ASPG: variants seen among roughly 807,000 people sequenced by gnomAD.
The protein encoded by ASPG is asparaginase.
In ASPG, 53 loss-of-function variants were observed where a neutral mutation model predicts 63.2. The observed-to-expected ratio is 0.84, with a 90% CI of 0.67 to 1.05. ASPG has a LOEUF of 1.05. Ranked by LOEUF, ASPG falls within the 50% of genes least tolerant of loss-of-function variation. The probability of loss-of-function intolerance (pLI) is 0.00; values close to 1 mark genes in which losing one functional copy is unlikely to be tolerated. For synonymous variants in ASPG, 370 were observed against 355.0 expected (o/e 1.04, Z -0.48); for missense variants, 741 against 794.4 (o/e 0.93, Z 0.81).
chr14:104,096,063 C>A (rs916978860), intron 4 of ASPG, among the ~76,000 whole-genome samples: 1 of 152,238 alleles, frequency 6.6e-6, no homozygotes, highest in East Asian at 1.9e-4. Context: ...CTGCCTTTGT[C>A]CCTCTCTTTG....
In ASPG at chr14:104,111,151, A is replaced by G. The variant is rs1008871439; in HGVS notation, c.1521-351A>G. The G allele has an allele frequency of 4.1e-6, 4 of 985,052 alleles. No individual in the cohort carries two copies. The African/African-American group carries it at 7.0e-5, about 17-fold the overall frequency. 61.0% of individuals were successfully genotyped at this position (985,052 alleles called of 1,614,324 possible). A position where few individuals can be genotyped will look rare whatever the true frequency, so the allele number is the denominator to read the frequency against. On this transcript the variant is annotated intron_variant, in intron 13 of 15. Transcript: ENST00000551177. Reference sequence around the variant, plus strand: ...TGTGTGTGCAAAGGCGCATGTGCTCATGTGTGTGTGCACATATGCTCGTGT... The same window carrying G: ...TGTGTGTGCAAAGGCGCATGTGCTCGTGTGTGTGTGCACATATGCTCGTGT...
chr14:104,095,662 C>G lies in ASPG; in HGVS notation c.429+6C>G. The stretch of plus-strand genomic sequence containing the variant: ...TCATCCTCACTGGGGCCCAGGTAAT[C>G]CCAGGGGCCCGGGGCTCCTAGGAAC... On this transcript the variant is annotated splice_donor_region_variant and intron_variant, in intron 4 of 15. Coordinates refer to ENST00000551177, the MANE Select transcript of ASPG (RefSeq NM_001080464.3). 1 of 1,612,240 alleles carries G rather than the reference C, an allele frequency of 6.2e-7. No homozygotes were observed. The highest frequency in any genetic ancestry group is 8.5e-7 in the Non-Finnish European group (1 of 1,179,632).
At chr14:104,087,019 C>G (rs1238399569) in intron 1 of ASPG, among the ~76,000 whole-genome samples, 1 of 151,954 alleles carries the variant, frequency 6.6e-6, no homozygotes, top group Non-Finnish European at 1.5e-5. Flanking sequence ...CCTGGCCACC[C>G]CTTTCTGCTG....
chr14:104,111,187 G>A (rs1216286480), intron 13 of ASPG: 1 of 984,164 alleles, frequency 1.0e-6, no homozygotes, highest in Admixed American at 6.1e-5. Context: ...GTGTGTGCAT[G>A]TGTAGGTGTG....
chr14:104,109,857 T>C lies in ASPG; in HGVS notation c.1520+542T>C, dbSNP rs2037312547. Among the ~76,000 whole-genome samples the C allele has an allele frequency of 6.6e-6, 1 of 152,096 alleles. No homozygotes were observed. The highest frequency in any genetic ancestry group is 2.4e-5 in the African/African-American group (1 of 41,394). On this transcript the variant is annotated intron_variant, in intron 13 of 15. Transcript: ENST00000551177. This position sits in a 1 kb window ranked among gnomAD's most constrained non-coding sequence, Gnocchi z 4.8. ...GCATGGCACCAGTGGCCAGTGTGCC[T>C]TCCGATCTCATGCTGCCGAGTGACC... is the stretch of plus-strand genomic sequence containing the variant.
chr14:104,097,014 G>A (rs1202043522), intron 4 of ASPG, among the ~76,000 whole-genome samples: 1 of 152,210 alleles, frequency 6.6e-6, no homozygotes, highest in Non-Finnish European at 1.5e-5. Context: ...ACTGTGCCTG[G>A]CATCCCGAGG....
chr14:104,099,370 T>C (rs1489006832), intron 6 of ASPG, among the ~76,000 whole-genome samples: 1 of 152,140 alleles, frequency 6.6e-6, no homozygotes, highest in Non-Finnish European at 1.5e-5. Flanking sequence ...TTCTGTCCTC[T>C]GGTTCCGGCG....
Position 104,106,876 on chromosome 14 carries a change from G to A in ASPG, c.1251G>A (p.Leu417=), listed in dbSNP as rs2037152902. ...CCCACGCCGGTGACGTGGAGGCGCT[G>A]CAGGCGCTTGTGGAGCTGGTGAGCC... ...AAAHAGDVEA[L]QALVELGSDL... Residue 417 remains leucine, a synonymous_variant, in exon 11 of 16, where the codon CTG becomes CTA. Coordinates refer to ENST00000551177, the MANE Select transcript of ASPG (RefSeq NM_001080464.3). 2.0e-5 allele frequency: 31 copies of A among 1,584,670 alleles called. No individual in the cohort carries two copies. Among genetic ancestry groups the A allele is most frequent in the Non-Finnish European group, 2.6e-5 (30 of 1,168,240 alleles).
intron 1 of ASPG, among the ~76,000 whole-genome samples, chr14:104,090,477 G>A (rs1460871499): frequency 1.3e-5 from 2 of 152,270 alleles, no homozygotes; most frequent in East Asian, 3.8e-4. Flanking sequence ...TCTGGGTTCT[G>A]GAGGCCGAGG....
At chr14:104,103,485 C>A in intron 6 of ASPG, 78 bp from the exon 7 acceptor site, 1 of 1,297,856 alleles carries the variant, frequency 7.7e-7, no homozygotes, top group Non-Finnish European at 1.1e-6. Context: ...GCGGCCTGTG[C>A]AGAGGGCCAG....
At position 104,107,273 on chromosome 14, in the gene ASPG, T is replaced by C; in HGVS notation, c.1361T>C (p.Leu454Pro). ...GGHTEAVTMLLQRGVDVNTRD... is the reference protein window; with the variant it reads ...GGHTEAVTMLPQRGVDVNTRD... ...CACACAGAGGCAGTCACCATGCTGC[T>C]GCAGAGAGGTGTGGACGTGAACACC... Residue 454 changes from leucine (L) to proline (P), a missense_variant, in exon 12 of 16, where the codon CTG becomes CCG. By Grantham distance (98) the Leu-to-Pro change is moderately conservative. Transcript: ENST00000551177. 8 of 1,609,334 alleles carry C rather than the reference T, an allele frequency of 5.0e-6. No homozygotes were observed. In the South Asian group the frequency reaches 8.8e-5, roughly 18 times the overall value.
chr14:104,096,097 G>A (rs1398073518), intron 4 of ASPG, among the ~76,000 whole-genome samples: 4 of 152,210 alleles, frequency 2.6e-5, no homozygotes, highest in African/African-American at 9.7e-5. Flanking sequence ...GGGTCTAGGC[G>A]ATGCCATCCT....
chr14:104,092,876 G>A (rs1244755933), intron 2 of ASPG, 135 bp downstream of exon 2: 1 of 753,690 alleles, frequency 1.3e-6, no homozygotes, highest in Non-Finnish European at 2.2e-6. Flanking sequence ...CAGCTTACAG[G>A]GCTTTAGGAC....
chr14:104,093,183 G>A lies in ASPG; in HGVS notation c.192-308G>A, dbSNP rs536094526. ...GCTGACCACCACAGCCGCCACAGGC[G>A]AGCCTCCTGCAAGCATCCTCTCCTG... On this transcript the variant is annotated intron_variant, in intron 2 of 15. Transcript: ENST00000551177. 1.1e-3 allele frequency: 562 copies of A among 520,992 alleles called. 10 individuals carry two copies. The Admixed American group carries it at 0.015, about 14-fold the overall frequency. The allele number at this position is 520,992 out of a possible 1,614,324, so 32.3% of individuals were successfully genotyped here. A position where few individuals can be genotyped will look rare whatever the true frequency, so the allele number is the denominator to read the frequency against.
chr14:104,094,504 C>T (rs2036509313), intron 3 of ASPG, among the ~76,000 whole-genome samples: 1 of 152,080 alleles, frequency 6.6e-6, no homozygotes, highest in Non-Finnish European at 1.5e-5. Context: ...AACACGCTCC[C>T]ATGTTACCGG....
At position 104,109,179 on chromosome 14, in the gene ASPG, C is replaced by T. The variant is rs745600468; in HGVS notation, c.1434-50C>T. The T allele has an allele frequency of 2.5e-5, 40 of 1,600,048 alleles. 1 individual carries two copies. The highest frequency in any genetic ancestry group is 3.3e-4 in the Middle Eastern group (2 of 6,044). ...CTGCTGGCTCCTGAGTGAGGTGCAG[C>T]GGGGCTGGGCTGGCCAGGGCAGAAG... On this transcript the variant is annotated intron_variant, in intron 12 of 15. Coordinates refer to ENST00000551177, the MANE Select transcript of ASPG (RefSeq NM_001080464.3). This position sits in a 1 kb window ranked among gnomAD's most constrained non-coding sequence, Gnocchi z 4.8.
Position 104,098,926 on chromosome 14 carries a change from C to G in ASPG, c.587C>G (p.Ala196Gly). The G allele has an allele frequency of 6.2e-7, 1 of 1,608,238 alleles. No homozygotes were observed. Among genetic ancestry groups the G allele is most frequent in the East Asian group, 2.2e-5 (1 of 44,668 alleles). ...AAGGTAGACGCTCGGAGGTTCGCAGCTTTCTGCTCCCCGAACCTGCTGCCT... is the reference window on the plus strand; with the variant it reads ...AAGGTAGACGCTCGGAGGTTCGCAGGTTTCTGCTCCCCGAACCTGCTGCCT... ...ATKVDARRFA[A>G]FCSPNLLPLA... The change falls in exon 6 of 16, where the codon GCT (alanine) becomes GGT (glycine). Residue 196 changes from alanine to glycine, a missense_variant. Coordinates refer to ENST00000551177, the MANE Select transcript of ASPG (RefSeq NM_001080464.3).
Position 104,104,287 on chromosome 14 carries a change from AC to A in ASPG, c.754-13del. The A allele has an allele frequency of 6.2e-7, 1 of 1,603,256 alleles. No homozygotes were observed. The highest frequency in any genetic ancestry group is 8.5e-7 in the Non-Finnish European group (1 of 1,174,416). ...CAGAGACCCTCACCATCCAGCCCCC[AC>A]CCCACCGCCCCACAGGTTCGGGCCT... On this transcript the variant is annotated splice_polypyrimidine_tract_variant and intron_variant, in intron 7 of 15. Transcript: ENST00000551177.
chr14:104,106,692 G>C (rs539544883), intron 10 of ASPG, 107 bp from the exon 11 acceptor site: 33 of 997,292 alleles, frequency 3.3e-5, no homozygotes, highest in Non-Finnish European at 4.6e-5. Context: ...TGGGATCTGC[G>C]GGCCCTTGTG....
Sources: gnomAD v4.1 joint callset for allele counts (sites outside exome capture counted in the v4.1 genomes callset) on GRCh38, gnomAD v4.1.1 for gene constraint, Gnocchi (gnomAD v3.1) non-coding constraint, MANE v1.5 for transcripts, NCBI Gene and HGNC (gene_info 2026-07-23, HGNC 2026-07-21) for gene names.